OSBP2: variants seen among roughly 807,000 people sequenced by gnomAD.
OSBP2 encodes the protein oxysterol binding protein 2.
In OSBP2, 66 loss-of-function variants were observed where a neutral mutation model predicts 96.0. The ratio of observed to expected loss-of-function variants is 0.69; its 90% CI spans 0.56 to 0.84. The LOEUF (loss-of-function observed/expected upper bound fraction) is 0.84, where lower values mean the gene tolerates loss of function less well. OSBP2 is among the 40% of genes least tolerant of loss of function. The pLI, the probability that OSBP2 is intolerant of heterozygous loss-of-function variation, is 0.00. For synonymous variants in OSBP2, 525 were observed against 520.9 expected, an observed-to-expected ratio of 1.01 and a Z score of -0.11; for missense variants, 1,038 against 1,222.7, an observed-to-expected ratio of 0.85 and a Z score of 2.25.
At chr22:30,787,273 A>T (rs921213322) in intron 2 of OSBP2, among the ~76,000 whole-genome samples, 1 of 152,208 alleles carries the variant, frequency 6.6e-6, no homozygotes, top group Non-Finnish European at 1.5e-5. Flanking sequence ...GGAAGGAAAC[A>T]CATTCTTCTT....
intron 12 of OSBP2, chr22:30,902,347 A>G: frequency 6.3e-7 from 1 of 1,584,330 alleles, no homozygotes; most frequent in Non-Finnish European, 8.7e-7. Context: ...AATTTAAAGG[A>G]TTCTGCTATA....
At position 30,889,161 on chromosome 22, in the gene OSBP2, C is replaced by T. The variant is rs778809681; in HGVS notation, c.1419-16C>T. The stretch of plus-strand genomic sequence containing the variant: ...CGGGATTCATTAGTAACTTGCCTCC[C>T]GCTTTGTATTTCCAGCAGAAAAGCT... On this transcript the variant is annotated splice_polypyrimidine_tract_variant and intron_variant, in intron 5 of 13. Transcript: ENST00000332585. 29 of 1,611,364 alleles carry T rather than the reference C, an allele frequency of 1.8e-5. No individual in the cohort carries two copies. The highest frequency in any genetic ancestry group is 6.7e-5 in the Admixed American group (4 of 59,566).
At chr22:30,866,086 G>A (rs981121949) in intron 2 of OSBP2, among the ~76,000 whole-genome samples, 3 of 152,204 alleles carry the variant, frequency 2.0e-5, no homozygotes, top group African/African-American at 7.2e-5. Context: ...GCCACAGCAA[G>A]TCAGTGTGAC....
intron 12 of OSBP2, chr22:30,902,738 G>A (rs1470311102): frequency 2.1e-6 from 1 of 468,924 alleles, no homozygotes; most frequent in Non-Finnish European, 4.1e-6. Context: ...ATCTTCAGGG[G>A]TGCCAGACCC....
At position 30,890,781 on chromosome 22, in the gene OSBP2, G is replaced by GT; in HGVS notation, c.1678dup (p.Tyr560LeufsTer63). 1 of 1,613,432 alleles carries GT rather than the reference G, an allele frequency of 6.2e-7. No individual in the cohort carries two copies. The highest frequency in any genetic ancestry group is 8.5e-7 in the Non-Finnish European group (1 of 1,179,990). On this transcript the variant is annotated frameshift_variant, in exon 8 of 14. Transcript: ENST00000332585. LOFTEE classifies it high-confidence loss of function. The surrounding 1 kb of genome is among the most constrained non-coding windows in gnomAD (Gnocchi z 4.4). Reference sequence around the variant, plus strand: ...TCCAGCGGCTGACAGAGGACCTGGAGTACCACCACCTGCTGGACAAGGCAG... The same window carrying GT: ...TCCAGCGGCTGACAGAGGACCTGGAGTTACCACCACCTGCTGGACAAGGCAG...
intron 2 of OSBP2, among the ~76,000 whole-genome samples, chr22:30,787,587 C>T (rs947467055): frequency 6.6e-6 from 1 of 152,158 alleles, no homozygotes; most frequent in African/African-American, 2.4e-5. Context: ...GCATGAGAAT[C>T]ACTTGAACCC....
chr22:30,755,863 T>G (rs904719149), intron 2 of OSBP2, among the ~76,000 whole-genome samples: 4 of 152,182 alleles, frequency 2.6e-5, no homozygotes, highest in African/African-American at 9.6e-5. Context: ...CTGCTAGGAT[T>G]GCACCCCACC....
At chr22:30,795,929 C>G (rs1157305512) in intron 2 of OSBP2, among the ~76,000 whole-genome samples, 2 of 152,170 alleles carry the variant, frequency 1.3e-5, no homozygotes, top group Non-Finnish European at 2.9e-5. Context: ...TCCATTTTGT[C>G]CTTTATCTTT....
chr22:30,842,178 G>A (rs2038766401), intron 2 of OSBP2, among the ~76,000 whole-genome samples: 1 of 152,132 alleles, frequency 6.6e-6, no homozygotes, highest in Admixed American at 6.5e-5. Flanking sequence ...AACTCCTGAA[G>A]TGGGAGTATC....
At position 30,906,596 on chromosome 22, in the gene OSBP2, A is replaced by AAG. The variant is rs1003163824; in HGVS notation, c.*257_*258insAG. 5.7e-6 allele frequency: 2 copies of AAG among 352,258 alleles called. No homozygotes were observed. Among genetic ancestry groups the AAG allele is most frequent in the South Asian group, 2.1e-4 (2 of 9,704 alleles). The allele number at this position is 352,258 out of a possible 1,614,324, so 21.8% of individuals were successfully genotyped here. On this transcript the variant is annotated 3_prime_UTR_variant, in exon 14 of 14. Coordinates refer to ENST00000332585, the MANE Select transcript of OSBP2 (RefSeq NM_030758.4). ...CATTATGGACCTGGGCCCTACCGGA[A>AAG]CCCCTGCCCCAGTTACCACAACTCA...
intron 2 of OSBP2, among the ~76,000 whole-genome samples, chr22:30,860,546 G>A (rs1424595366): frequency 6.6e-6 from 1 of 152,250 alleles, no homozygotes; most frequent in Non-Finnish European, 1.5e-5. Context: ...GCAGATTCCT[G>A]GGCCCAGCTG....
chr22:30,761,890 C>G (rs1452382108), intron 2 of OSBP2, among the ~76,000 whole-genome samples: 1 of 152,130 alleles, frequency 6.6e-6, no homozygotes, highest in African/African-American at 2.4e-5. Context: ...CATCCATATG[C>G]AATAAAATGA....
At chr22:30,749,339 T>G (rs189146813) in intron 2 of OSBP2, among the ~76,000 whole-genome samples, 178 of 152,354 alleles carry the variant, frequency 1.2e-3, no homozygotes, top group Non-Finnish European at 1.9e-3. Context: ...AGTCTTTAGT[T>G]GGTTAATATC....
At chr22:30,741,077 C>A in intron 1 of OSBP2, 84 bp from the exon 2 acceptor site, 1 of 1,077,840 alleles carries the variant, frequency 9.3e-7, no homozygotes, top group Non-Finnish European at 1.4e-6. Flanking sequence ...GTCTGAGATT[C>A]TGAGGATTTG....
Position 30,870,559 on chromosome 22 carries a change from T to G in OSBP2, c.984T>G (p.Ala328=). The G allele has an allele frequency of 1.2e-6, 2 of 1,613,750 alleles. No homozygotes were observed. Among genetic ancestry groups the G allele is most frequent in the Non-Finnish European group, 1.7e-6 (2 of 1,179,930 alleles). ...TCNDLIAKHG[A]ALQRSLTELD... is the part of the protein sequence containing the mutation. ...ATGACCTCATCGCCAAGCACGGCGC[T>G]GCACTCCAGCGCTCCCTGACAGAGC... The change falls in exon 3 of 14, where the codon GCT becomes GCG. Residue 328 remains alanine (A), a synonymous_variant. Transcript: ENST00000332585. This position sits in a 1 kb window ranked among gnomAD's most constrained non-coding sequence, Gnocchi z 4.1.
rs1011921217 is a variant in OSBP2 at position 30,863,018 on chromosome 22, A to C, written c.854-7411A>C. Among the ~76,000 whole-genome samples the C allele has an allele frequency of 3.9e-5, 6 of 151,950 alleles. No homozygotes were observed. The East Asian group carries it at 1.2e-3, about 29-fold the overall frequency. On this transcript the variant is annotated intron_variant, in intron 2 of 13. Transcript: ENST00000332585. ...AATCAACAGACTTGGGGTCTTGGGC[A>C]GGCTCCTAACTCTTCATGCCACACC...
chr22:30,741,531 A>G (rs1487211695), intron 2 of OSBP2, among the ~76,000 whole-genome samples, 162 bp downstream of exon 2: 4 of 152,228 alleles, frequency 2.6e-5, no homozygotes, highest in Non-Finnish European at 5.9e-5. Flanking sequence ...CATCGTCAGC[A>G]GTGAGAGACT....
chr22:30,872,820 G>A (rs559303986), intron 3 of OSBP2, among the ~76,000 whole-genome samples: 17 of 152,214 alleles, frequency 1.1e-4, no homozygotes, highest in Non-Finnish European at 2.2e-4. Context: ...GGCAGGAACC[G>A]GGGTAGTTCT....
chr22:30,893,136 C>A lies in OSBP2; in HGVS notation c.1884C>A (p.Pro628=), dbSNP rs201667263. 1.5e-5 allele frequency: 25 copies of A among 1,613,922 alleles called. No individual in the cohort carries two copies. The highest frequency in any genetic ancestry group is 8.3e-5 in the Admixed American group (5 of 60,008). The change falls in exon 9 of 14, where the codon CCC becomes CCA. Residue 628 remains proline, a synonymous_variant. Transcript: ENST00000332585. ...RSLCEQVSHH[P]PSAAHYVFSK... ...TCTGGTCTCAGGTGAGCCACCACCC[C>A]CCCTCAGCTGCGCACTACGTGTTCT...
Sources: gnomAD v4.1 joint callset for allele counts (sites outside exome capture counted in the v4.1 genomes callset) on GRCh38, gnomAD v4.1.1 for gene constraint, Gnocchi (gnomAD v3.1) non-coding constraint, MANE v1.5 for transcripts, NCBI Gene and HGNC (gene_info 2026-07-23, HGNC 2026-07-21) for gene names.